Variants in ZNF407 observed in about 807,000 individuals in gnomAD.
ZNF407 encodes the protein zinc finger protein 407.
ZNF407 carries 17 observed loss-of-function variants against 131.2 expected under a neutral mutation model. The observed-to-expected ratio is 0.13, with a 90% CI of 0.09 to 0.19. The LOEUF (loss-of-function observed/expected upper bound fraction) is 0.19. Ranked by LOEUF, ZNF407 falls within the 10% of genes least tolerant of loss-of-function variation. The probability of loss-of-function intolerance (pLI) is 1.00; values close to 1 mark genes in which losing one functional copy is unlikely to be tolerated. For missense variants in ZNF407, 2,681 were observed against 2,830.6 expected, an observed-to-expected ratio of 0.95 and a Z score of 1.20; for synonymous variants, 1,156 against 1,062.0, an observed-to-expected ratio of 1.09 and a Z score of -1.72.
intron 7 of ZNF407, 133 bp from the exon 8 acceptor site, chr18:74,920,381 C>A: frequency 3.1e-6 from 2 of 646,576 alleles, no homozygotes; most frequent in South Asian, 7.4e-5. Flanking sequence ...ATTATATAAG[C>A]TAATTATTAT....
At chr18:74,615,038 G>T (rs1267671959) in intron 1 of ZNF407, among the ~76,000 whole-genome samples, 1 of 152,180 alleles carries the variant, frequency 6.6e-6, no homozygotes, top group Non-Finnish European at 1.5e-5. Flanking sequence ...GGCTTTTAAG[G>T]GGCCATGAGC....
Position 75,048,399 on chromosome 18 carries a change from G to A in ZNF407, c.5429-14751G>A, listed in dbSNP as rs1289969647. On this transcript the variant is annotated intron_variant, in intron 8 of 8. Coordinates refer to ENST00000299687, the MANE Select transcript of ZNF407 (RefSeq NM_017757.3). This position sits in a 1 kb window ranked among gnomAD's most constrained non-coding sequence, Gnocchi z 4.1. ...TTGGCTTTCTTGACTGGCTCTGACTGTCCATTCTTTGCCAGTGTCTCCTGG... is the reference window on the plus strand; with the variant it reads ...TTGGCTTTCTTGACTGGCTCTGACTATCCATTCTTTGCCAGTGTCTCCTGG... 6.6e-6 allele frequency among the ~76,000 whole-genome samples: 1 copy of A among 152,134 alleles called. No homozygotes were observed. The highest frequency in any genetic ancestry group is 1.5e-5 in the Non-Finnish European group (1 of 68,038).
At chr18:74,765,144 A>G (rs1969200211) in intron 3 of ZNF407, among the ~76,000 whole-genome samples, 1 of 152,178 alleles carries the variant, frequency 6.6e-6, no homozygotes, top group Non-Finnish European at 1.5e-5. Flanking sequence ...GAGGGTTCCT[A>G]GAACCAATTC....
chr18:74,659,011 A>G (rs565862091), intron 3 of ZNF407, among the ~76,000 whole-genome samples: 3 of 152,228 alleles, frequency 2.0e-5, no homozygotes, highest in Admixed American at 6.5e-5. Context: ...TATTCCATCT[A>G]GGGACATGTG....
At chr18:75,040,993 G>T (rs1388125525) in intron 8 of ZNF407, among the ~76,000 whole-genome samples, 1 of 152,196 alleles carries the variant, frequency 6.6e-6, no homozygotes, top group Non-Finnish European at 1.5e-5. Flanking sequence ...AAGCAGTTCT[G>T]AAGGGAAGGA....
intron 4 of ZNF407, among the ~76,000 whole-genome samples, chr18:74,809,868 G>C (rs1599169613): frequency 6.6e-6 from 1 of 152,346 alleles, no homozygotes; most frequent in African/African-American, 2.4e-5. Flanking sequence ...ACAGTAATGG[G>C]AGTGGTCAGA....
intron 3 of ZNF407, among the ~76,000 whole-genome samples, chr18:74,710,768 A>G (rs916971429): frequency 6.6e-6 from 1 of 152,212 alleles, no homozygotes. Context: ...TATCTAATAC[A>G]TGTTTTCAGA....
chr18:74,953,904 G>A (rs1972245800), intron 8 of ZNF407, among the ~76,000 whole-genome samples: 2 of 152,188 alleles, frequency 1.3e-5, no homozygotes, highest in African/African-American at 4.8e-5. Flanking sequence ...GAGAAAAGTT[G>A]AGACCCTAAT....
Position 74,995,613 on chromosome 18 carries a change from GATT to G in ZNF407, c.5429-67531_5429-67529del, listed in dbSNP as rs1425341907. The stretch of plus-strand genomic sequence containing the variant: ...ATTTCTTTTTTCTTTCTGTTTTCTA[GATT>G]ATTATCAATGAAGTCTTAATCTTTT... On this transcript the variant is annotated intron_variant, in intron 8 of 8. Transcript: ENST00000299687. Among the ~76,000 whole-genome samples, 3 of 152,240 alleles carry G rather than the reference GATT, an allele frequency of 2.0e-5. No individual in the cohort carries two copies. In the East Asian group the frequency reaches 5.8e-4, roughly 29 times the overall value.
intron 3 of ZNF407, among the ~76,000 whole-genome samples, chr18:74,752,936 A>T (rs1398150275): frequency 6.6e-6 from 1 of 152,100 alleles, no homozygotes; most frequent in African/African-American, 2.4e-5. Flanking sequence ...CTTGATGGGG[A>T]TGGCATTGAA....
rs765269834 is a variant in ZNF407 at position 74,920,618 on chromosome 18, C to T, written c.5354C>T (p.Pro1785Leu). The change falls in exon 8 of 9, where the codon CCG becomes CTG. Residue 1785 changes from proline (P) to leucine (L), a missense_variant. Physicochemically the swap from Pro to Leu is moderately conservative, Grantham distance 98. Around this residue, in one of 6 missense-constraint regions of ZNF407, gnomAD observed 39 missense variants for 91.8 expected, o/e 0.42. Coordinates refer to ENST00000299687, the MANE Select transcript of ZNF407 (RefSeq NM_017757.3). ...AAGTGTGACTACGGGACCAACGTCC[C>T]GGTGGAGTTCCGGAACCATTTGAAG... ...CPKCDYGTNV[P>L]VEFRNHLKEQ... 4 of 1,611,192 alleles carry T rather than the reference C, an allele frequency of 2.5e-6. No individual in the cohort carries two copies. Among genetic ancestry groups the T allele is most frequent in the Admixed American group, 1.7e-5 (1 of 59,952 alleles).
chr18:74,623,273 T>A (rs1983636187), intron 1 of ZNF407, among the ~76,000 whole-genome samples: 1 of 151,682 alleles, frequency 6.6e-6, no homozygotes, highest in South Asian at 2.1e-4. Context: ...TGTGCATGAG[T>A]GTGAGACTGC....
intron 3 of ZNF407, among the ~76,000 whole-genome samples, chr18:74,744,609 AT>A (rs147033165): frequency 1.3e-5 from 2 of 152,258 alleles, no homozygotes; most frequent in African/African-American, 4.8e-5. Context: ...CAGGACCAAA[AT>A]ACTTGGAAGT....
intron 4 of ZNF407, among the ~76,000 whole-genome samples, chr18:74,872,721 A>T (rs938918781): frequency 6.7e-5 from 10 of 148,498 alleles, no homozygotes; most frequent in Admixed American, 2.1e-4. Flanking sequence ...GGGCCACTCT[A>T]CTCCAGCCTG....
At chr18:74,941,438 G>T (rs779893933) in intron 8 of ZNF407, among the ~76,000 whole-genome samples, 4 of 152,156 alleles carry the variant, frequency 2.6e-5, no homozygotes, top group Non-Finnish European at 5.9e-5. Flanking sequence ...TGTAGCTCCA[G>T]CTTGTAGTAG....
intron 4 of ZNF407, among the ~76,000 whole-genome samples, chr18:74,825,056 A>G (rs1970390997): frequency 6.6e-6 from 1 of 152,174 alleles, no homozygotes; most frequent in Non-Finnish European, 1.5e-5. Flanking sequence ...GCTAGTTCCA[A>G]ATACACAAAT....
intron 4 of ZNF407, among the ~76,000 whole-genome samples, chr18:74,861,510 C>T (rs963982477): frequency 1.3e-5 from 2 of 152,116 alleles, no homozygotes; most frequent in African/African-American, 2.4e-5. Context: ...GGAATTTACT[C>T]GACGTTTGCT....
chr18:75,037,032 C>T (rs1290295266), intron 8 of ZNF407, among the ~76,000 whole-genome samples: 7 of 152,112 alleles, frequency 4.6e-5, no homozygotes, highest in Admixed American at 3.9e-4. Context: ...AAGCTGACTC[C>T]GATATTGCTA....
At chr18:75,060,694 A>G (rs566766086) in intron 8 of ZNF407, among the ~76,000 whole-genome samples, 71 of 149,280 alleles carry the variant, frequency 4.8e-4, no homozygotes, top group African/African-American at 1.7e-3. Flanking sequence ...TTTAGTAGAG[A>G]CGGGGTTTCA....
Sources: allele counts gnomAD v4.1 joint callset (sites outside exome capture counted in the v4.1 genomes callset), GRCh38; gene constraint gnomAD v4.1.1; regional missense constraint gnomAD v4.1.1; non-coding constraint Gnocchi (gnomAD v3.1); transcripts MANE v1.5; gene names NCBI Gene and HGNC (gene_info 2026-07-23, HGNC 2026-07-21).